The following MYO3B variants were observed in gnomAD, a reference collection of about 807,000 sequenced individuals.
The protein encoded by MYO3B is myosin-IIIb.
A neutral mutation model predicts 174.6 loss-of-function variants in MYO3B; 156 were observed. That is an observed-to-expected ratio of 0.89 (90% CI 0.78 to 1.02). The LOEUF is 1.02. Ranked by LOEUF, MYO3B falls within the 50% of genes least tolerant of loss-of-function variation. The probability of loss-of-function intolerance (pLI) is 0.00; values close to 1 mark genes in which losing one functional copy is unlikely to be tolerated. For synonymous variants in MYO3B, 563 were observed against 569.1 expected, an observed-to-expected ratio of 0.99 and a Z score of 0.15; for missense variants, 1,632 against 1,639.4, an observed-to-expected ratio of 1.00 and a Z score of 0.08.
chr2:170,358,778 A>G (rs1369028290), intron 8 of MYO3B, among the ~76,000 whole-genome samples: 1 of 152,180 alleles, frequency 6.6e-6, no homozygotes, highest in African/African-American at 2.4e-5. Context: ...AAGAATAGGG[A>G]CGGCCTTCTC....
intron 8 of MYO3B, among the ~76,000 whole-genome samples, chr2:170,355,394 C>T (rs984447902): frequency 6.6e-6 from 1 of 152,182 alleles, no homozygotes; most frequent in South Asian, 2.1e-4. Context: ...ACCAAAAGAA[C>T]AAACATTAAG....
At chr2:170,374,753 A>G (rs1208705433) in intron 9 of MYO3B, among the ~76,000 whole-genome samples, 2 of 111,778 alleles carry the variant, frequency 1.8e-5, no homozygotes, top group Non-Finnish European at 3.6e-5. Context: ...ATATATATGC[A>G]TACATACACA....
chr2:170,382,297 A>G (rs1193422825), intron 10 of MYO3B, 185 bp downstream of exon 10: 4 of 483,464 alleles, frequency 8.3e-6, no homozygotes, highest in Non-Finnish European at 1.5e-5. Flanking sequence ...GTTTATTTAG[A>G]TAGCCCCTAG....
chr2:170,373,444 G>A (rs1217342289), intron 9 of MYO3B, among the ~76,000 whole-genome samples: 1 of 152,224 alleles, frequency 6.6e-6, no homozygotes, highest in African/African-American at 2.4e-5. Flanking sequence ...CTGATACAGA[G>A]TAATGAAACC....
At chr2:170,314,371 G>T (rs981670210) in intron 7 of MYO3B, among the ~76,000 whole-genome samples, 1 of 152,190 alleles carries the variant, frequency 6.6e-6, no homozygotes, top group Non-Finnish European at 1.5e-5. Context: ...TCTCAATGAA[G>T]TGTGTGTGAT....
chr2:170,269,322 T>C (rs2093407841), intron 7 of MYO3B, among the ~76,000 whole-genome samples: 1 of 152,216 alleles, frequency 6.6e-6, no homozygotes, highest in African/African-American at 2.4e-5. Context: ...CTAAAAGACC[T>C]TCAAAGGAAA....
intron 7 of MYO3B, 150 bp from the exon 8 acceptor site, chr2:170,335,235 C>A: frequency 1.5e-6 from 1 of 652,646 alleles, no homozygotes; most frequent in Non-Finnish European, 2.7e-6. Context: ...AGGGTTGGCA[C>A]TTTATAATCT....
At chr2:170,506,294 T>A (rs1687617600) in intron 28 of MYO3B, among the ~76,000 whole-genome samples, 1 of 152,260 alleles carries the variant, frequency 6.6e-6, no homozygotes, top group Non-Finnish European at 1.5e-5. Context: ...TAAAACTGCC[T>A]GAACTTTTAA....
intron 30 of MYO3B, among the ~76,000 whole-genome samples, chr2:170,526,178 C>A (rs1484940922): frequency 6.6e-6 from 1 of 152,136 alleles, no homozygotes; most frequent in Non-Finnish European, 1.5e-5. Context: ...TGGACAAGTT[C>A]CTTCCTCTCT....
At chr2:170,354,021 A>G (rs7559456) in intron 8 of MYO3B, among the ~76,000 whole-genome samples, 27,437 of 152,230 alleles carry the variant, frequency 0.18, 2,802 homozygotes, top group Middle Eastern at 0.25. Context: ...TAATATGTCT[A>G]TGATTTATTA....
At chr2:170,271,443 GT>G (rs1356004219) in intron 7 of MYO3B, among the ~76,000 whole-genome samples, 1 of 152,138 alleles carries the variant, frequency 6.6e-6, no homozygotes, top group East Asian at 1.9e-4. Context: ...CATGTCATCT[GT>G]CTAGAATATA....
At chr2:170,329,230 AGTGTGTGT>A (rs72422629) in intron 7 of MYO3B, among the ~76,000 whole-genome samples, 7 of 148,662 alleles carry the variant, frequency 4.7e-5, no homozygotes, top group South Asian at 2.1e-4. Flanking sequence ...ACAGAAAAAC[AGTGTGTGT>A]GTGTGTGTGT....
intron 7 of MYO3B, among the ~76,000 whole-genome samples, chr2:170,319,802 A>G (rs2093802307): frequency 6.6e-6 from 1 of 152,262 alleles, no homozygotes; most frequent in Non-Finnish European, 1.5e-5. Context: ...ATCATGTGCA[A>G]GGGAAGGTCA....
At chr2:170,483,837 C>T (rs1446720179) in intron 25 of MYO3B, among the ~76,000 whole-genome samples, 2 of 152,176 alleles carry the variant, frequency 1.3e-5, no homozygotes, top group Admixed American at 1.3e-4. Context: ...ACCCTAGCTG[C>T]AGACCTGGCT....
chr2:170,215,960 G>T (rs1385626653), intron 5 of MYO3B, among the ~76,000 whole-genome samples: 1 of 152,180 alleles, frequency 6.6e-6, no homozygotes, highest in African/African-American at 2.4e-5. Context: ...CCATTAGAAG[G>T]TTCCTGAACT....
intron 7 of MYO3B, among the ~76,000 whole-genome samples, chr2:170,298,572 G>A (rs1245856486): frequency 6.6e-6 from 1 of 151,634 alleles, no homozygotes; most frequent in African/African-American, 2.4e-5. Flanking sequence ...CTACTCAGGA[G>A]GCTGAGACAG....
At position 170,214,467 on chromosome 2, in the gene MYO3B, T is replaced by C; in HGVS notation, c.410T>C (p.Leu137Ser). 1 of 1,614,174 alleles carries C rather than the reference T, an allele frequency of 6.2e-7. No individual in the cohort carries two copies. Among genetic ancestry groups the C allele is most frequent in the Non-Finnish European group, 8.5e-7 (1 of 1,180,000 alleles). The change falls in exon 4 of 35, where the codon TTG (leucine) becomes TCG (serine). Residue 137 changes from leucine to serine, a missense_variant. Leu to Ser is a moderately radical substitution (Grantham distance 145, BLOSUM62 -2). Transcript: ENST00000408978. The part of the protein sequence containing the change: ...RLDEAMISYI[L>S]YGALLGLQHL... The stretch of plus-strand genomic sequence containing the variant: ...GATGAAGCAATGATCTCATACATCT[T>C]GTACGGGGCCCTCTTGGTAAGAACA...
At chr2:170,183,901 A>T (rs1175083101) in intron 1 of MYO3B, among the ~76,000 whole-genome samples, 1 of 150,218 alleles carries the variant, frequency 6.7e-6, no homozygotes, top group African/African-American at 2.4e-5. Flanking sequence ...AGATATTAAA[A>T]CTTACCAGAT....
At chr2:170,581,147 T>A (rs904974616) in intron 32 of MYO3B, among the ~76,000 whole-genome samples, 9 of 152,206 alleles carry the variant, frequency 5.9e-5, no homozygotes, top group Non-Finnish European at 4.4e-5. Flanking sequence ...AGCAGACTGA[T>A]GAACCTTCCT....
Sources: gnomAD v4.1 joint callset for allele counts (sites outside exome capture counted in the v4.1 genomes callset) on GRCh38, gnomAD v4.1.1 for gene constraint, MANE v1.5 for transcripts, NCBI Gene and HGNC (gene_info 2026-07-23, HGNC 2026-07-21) for gene names.